Variants in CREB5 observed in about 807,000 individuals in gnomAD.
CREB5 encodes the protein cAMP responsive element binding protein 5.
In CREB5, 19 loss-of-function variants were observed where a neutral mutation model predicts 57.1. That is an observed-to-expected ratio of 0.33 (90% CI 0.23 to 0.49). The LOEUF is 0.49. CREB5 is among the 20% of genes least tolerant of loss of function. The pLI, the probability that CREB5 is intolerant of heterozygous loss-of-function variation, is 0.99. For synonymous variants in CREB5, 238 were observed against 238.3 expected (o/e 1.00, Z 0.01); for missense variants, 579 against 671.6 (o/e 0.86, Z 1.52).
At position 28,644,989 on chromosome 7, in the gene CREB5, C is replaced by A. The variant is rs916731738; in HGVS notation, c.465-73764C>A. Among the ~76,000 whole-genome samples the A allele has an allele frequency of 1.3e-5, 2 of 152,080 alleles. 1 individual carries two copies. Among genetic ancestry groups the A allele is most frequent in the South Asian group, 4.1e-4 (2 of 4,826 alleles). On this transcript the variant is annotated intron_variant, in intron 5 of 10. Coordinates refer to ENST00000357727, the MANE Select transcript of CREB5 (RefSeq NM_182898.4). The stretch of plus-strand genomic sequence containing the variant: ...GGAAACTCTTGGCCAACAACGCGTA[C>A]CTTGGCCAACTCTCTTTTCAGACGG...
At chr7:28,497,274 G>A (rs1023435704) in intron 3 of CREB5, among the ~76,000 whole-genome samples, 2 of 152,228 alleles carry the variant, frequency 1.3e-5, no homozygotes, top group African/African-American at 4.8e-5. Flanking sequence ...ACACTGAAAC[G>A]AAGCATTCTT....
At chr7:28,599,453 G>A (rs989830098) in intron 5 of CREB5, among the ~76,000 whole-genome samples, 1 of 152,154 alleles carries the variant, frequency 6.6e-6, no homozygotes, top group African/African-American at 2.4e-5. Context: ...AGTTTCATAA[G>A]ATAGTTGCAG....
At chr7:28,368,231 T>C (rs376388253) in intron 1 of CREB5, among the ~76,000 whole-genome samples, 10 of 152,258 alleles carry the variant, frequency 6.6e-5, no homozygotes, top group African/African-American at 2.2e-4. Flanking sequence ...TAATGGACAT[T>C]GGAGCCTTGG....
chr7:28,566,632 A>T lies in CREB5; in HGVS notation c.292-3733A>T, dbSNP rs188814006. 2.0e-5 allele frequency among the ~76,000 whole-genome samples: 3 copies of T among 152,142 alleles called. No individual in the cohort carries two copies. The East Asian group carries it at 5.8e-4, about 29-fold the overall frequency. ...TTGGGACAATGTGAACTCAGGAAGT[A>T]ATTTCATGTTTGAGTTACTATGTAA... On this transcript the variant is annotated intron_variant, in intron 4 of 10. Coordinates refer to ENST00000357727, the MANE Select transcript of CREB5 (RefSeq NM_182898.4).
At chr7:28,491,107 G>A (rs1791782937) in intron 2 of CREB5, 1 of 593,612 alleles carries the variant, frequency 1.7e-6, no homozygotes, top group Non-Finnish European at 2.1e-6. Context: ...GTGAGGAAGC[G>A]GAGGTGGCAA....
At chr7:28,475,290 G>T (rs1387869167) in intron 1 of CREB5, among the ~76,000 whole-genome samples, 2 of 122,190 alleles carry the variant, frequency 1.6e-5, no homozygotes, top group African/African-American at 3.3e-5. Flanking sequence ...TTTTTTTTAG[G>T]CTAGGCGTGG....
At position 28,547,858 on chromosome 7, in the gene CREB5, T is replaced by C. The variant is rs1437479111; in HGVS notation, c.292-22507T>C. 2.0e-5 allele frequency among the ~76,000 whole-genome samples: 3 copies of C among 152,236 alleles called. 1 individual carries two copies. The South Asian group carries it at 6.2e-4, about 31-fold the overall frequency. On this transcript the variant is annotated intron_variant, in intron 4 of 10. Coordinates refer to ENST00000357727, the MANE Select transcript of CREB5 (RefSeq NM_182898.4). ...TAAAGACCATATCTTATACTTCTTA[T>C]GGGGTTCCTGGAATGCCTAGTGGGG...
chr7:28,415,694 G>T (rs744500), intron 1 of CREB5, among the ~76,000 whole-genome samples: 43,575 of 151,998 alleles, frequency 0.29, 6,621 homozygotes, highest in African/African-American at 0.32. Flanking sequence ...AACCAGGCAG[G>T]ACTAAAAATG....
rs1434873855 is a variant in CREB5 at position 28,561,031 on chromosome 7, T to C, written c.292-9334T>C. 8.2e-4 allele frequency among the ~76,000 whole-genome samples: 78 copies of C among 95,656 alleles called. 6 individuals carry two copies. The highest frequency in any genetic ancestry group is 2.6e-3 in the East Asian group (3 of 1,174). The allele number at this position is 95,656 out of a possible 152,430, so 62.8% of individuals were successfully genotyped here. On this transcript the variant is annotated intron_variant, in intron 4 of 10. Transcript: ENST00000357727. ...GTGTGTGTGTGCGTGTGTGCGTGTG[T>C]GTGTGTGTGTGTGAAGGTATTTTTC...
rs574618722 is a variant in CREB5 at position 28,804,007 on chromosome 7, C to T, written c.703-192C>T. Among the ~76,000 whole-genome samples the T allele has an allele frequency of 7.2e-5, 11 of 152,038 alleles. 1 individual carries two copies. The highest frequency in any genetic ancestry group is 2.1e-4 in the South Asian group (1 of 4,824). On this transcript the variant is annotated intron_variant, in intron 7 of 10. Coordinates refer to ENST00000357727, the MANE Select transcript of CREB5 (RefSeq NM_182898.4). ...CTGACATTGACCCTCCTACTGACCACGATATATAAGAAAATATGAAATTAA... is the reference window on the plus strand; with the variant it reads ...CTGACATTGACCCTCCTACTGACCATGATATATAAGAAAATATGAAATTAA...
At chr7:28,368,835 C>T (rs1679626066) in intron 1 of CREB5, among the ~76,000 whole-genome samples, 1 of 152,264 alleles carries the variant, frequency 6.6e-6, no homozygotes, top group African/African-American at 2.4e-5. Context: ...TTGCTTGAAC[C>T]CAGGAGTTTG....
chr7:28,751,118 AC>A (rs1348963076), intron 7 of CREB5, among the ~76,000 whole-genome samples: 1 of 148,720 alleles, frequency 6.7e-6, no homozygotes, highest in Non-Finnish European at 1.5e-5. Flanking sequence ...TTCCCCATTA[AC>A]CAACAAACGA....
chr7:28,431,685 C>CT (rs1166647122), intron 1 of CREB5, among the ~76,000 whole-genome samples: 2 of 152,250 alleles, frequency 1.3e-5, no homozygotes, highest in African/African-American at 2.4e-5. Context: ...CACTTGATTA[C>CT]TTTTTTTGAC....
intron 5 of CREB5, among the ~76,000 whole-genome samples, chr7:28,705,469 G>T (rs572568442): frequency 1.3e-5 from 2 of 152,096 alleles, no homozygotes; most frequent in South Asian, 4.1e-4. Flanking sequence ...CAAGCATAAT[G>T]TTTTGCATGT....
intron 5 of CREB5, among the ~76,000 whole-genome samples, chr7:28,681,150 G>C (rs559500653): frequency 6.6e-6 from 1 of 152,288 alleles, no homozygotes; most frequent in Non-Finnish European, 1.5e-5. Context: ...ATAGTGTAGG[G>C]ATGGAGAAGG....
intron 5 of CREB5, among the ~76,000 whole-genome samples, chr7:28,642,973 C>CACACAT (rs34033394): frequency 0.018 from 2,213 of 122,108 alleles, 48 homozygotes; most frequent in African/African-American, 0.066. Flanking sequence ...CACACACACA[C>CACACAT]ACACACACAC....
chr7:28,370,832 C>T (rs987882079), intron 1 of CREB5, among the ~76,000 whole-genome samples: 54 of 152,278 alleles, frequency 3.5e-4, no homozygotes, highest in African/African-American at 1.3e-3. Context: ...TGCACTTTGG[C>T]ACTTCAAACA....
intron 1 of CREB5, among the ~76,000 whole-genome samples, chr7:28,348,112 G>A (rs369443505): frequency 4.5e-4 from 69 of 152,186 alleles, no homozygotes; most frequent in African/African-American, 1.4e-3. Flanking sequence ...TTATTCAGCC[G>A]AACACTCTCA....
At chr7:28,588,785 A>G (rs1028433034) in intron 5 of CREB5, among the ~76,000 whole-genome samples, 1 of 151,826 alleles carries the variant, frequency 6.6e-6, no homozygotes, top group Non-Finnish European at 1.5e-5. Context: ...CCCCTGCTGT[A>G]TTTTCTTACC....
Sources: gnomAD v4.1 joint callset for allele counts (sites outside exome capture counted in the v4.1 genomes callset) on GRCh38, gnomAD v4.1.1 for gene constraint, MANE v1.5 for transcripts, NCBI Gene and HGNC (gene_info 2026-07-23, HGNC 2026-07-21) for gene names.